SPPL2A: variants seen among roughly 807,000 people sequenced by gnomAD.
SPPL2A encodes the protein signal peptide peptidase-like 2A.
A neutral mutation model predicts 63.8 loss-of-function variants in SPPL2A; 51 were observed. The ratio of observed to expected loss-of-function variants is 0.80; its 90% CI spans 0.64 to 1.01. The LOEUF is 1.01. Among genes scored for constraint, SPPL2A ranks in the 50% least tolerant of loss-of-function variants. The pLI, the probability that SPPL2A is intolerant of heterozygous loss-of-function variation, is 0.00. For missense variants in SPPL2A, 553 were observed against 622.7 expected (o/e 0.89, Z 1.19); for synonymous variants, 188 against 205.8 (o/e 0.91, Z 0.74).
chr15:50,745,736 C>T (rs1567163149), intron 5 of SPPL2A, among the ~76,000 whole-genome samples: 1 of 151,940 alleles, frequency 6.6e-6, no homozygotes. Context: ...TGAGGTCTTG[C>T]TATGTTGCCA....
At chr15:50,726,254 G>A in intron 11 of SPPL2A, 67 bp downstream of exon 11, 1 of 1,547,370 alleles carries the variant, frequency 6.5e-7, no homozygotes, top group Non-Finnish European at 8.9e-7. Flanking sequence ...TACACAGGAA[G>A]GCAAATTATT....
At chr15:50,710,452 G>A (rs747797523) in intron 14 of SPPL2A, among the ~76,000 whole-genome samples, 1 of 151,948 alleles carries the variant, frequency 6.6e-6, no homozygotes, top group Non-Finnish European at 1.5e-5. Context: ...TTTCTTTACT[G>A]ACTTTCCAAT....
chr15:50,747,797 A>G (rs17702595), intron 4 of SPPL2A, among the ~76,000 whole-genome samples, 169 bp from the exon 5 acceptor site: 3,376 of 152,318 alleles, frequency 0.022, 53 homozygotes, highest in Middle Eastern at 0.1. Flanking sequence ...AAGTATGATG[A>G]TATGCTTTGG....
At chr15:50,724,420 CA>C (rs573458188) in intron 12 of SPPL2A, among the ~76,000 whole-genome samples, 103 of 151,646 alleles carry the variant, frequency 6.8e-4, no homozygotes, top group Non-Finnish European at 1.4e-3. Context: ...ACTAAAAATA[CA>C]AAAAAAATTA....
intron 8 of SPPL2A, among the ~76,000 whole-genome samples, chr15:50,732,927 T>TAA (rs2062742171): frequency 1.3e-5 from 2 of 152,096 alleles, no homozygotes; most frequent in Non-Finnish European, 2.9e-5. Flanking sequence ...TAGCTGGGAC[T>TAA]AAAGGCATGC....
chr15:50,731,731 C>G (rs571628553), intron 9 of SPPL2A, among the ~76,000 whole-genome samples: 2 of 150,994 alleles, frequency 1.3e-5, no homozygotes, highest in Non-Finnish European at 2.9e-5. Context: ...AGTTCAAAAC[C>G]AGCCTGGCCA....
chr15:50,734,428 CATGT>C (rs1339682285), intron 8 of SPPL2A, among the ~76,000 whole-genome samples: 2 of 151,986 alleles, frequency 1.3e-5, no homozygotes, highest in Non-Finnish European at 2.9e-5. Flanking sequence ...ACAAATATTG[CATGT>C]TCTCACTCAT....
Position 50,726,370 on chromosome 15 carries a change from T to C in SPPL2A, c.1097A>G (p.Glu366Gly), listed in dbSNP as rs200572724. 1 of 1,613,608 alleles carries C rather than the reference T, an allele frequency of 6.2e-7. No individual in the cohort carries two copies. Among genetic ancestry groups the C allele is most frequent in the Non-Finnish European group, 8.5e-7 (1 of 1,179,636 alleles). ...FITPFITKNG[E>G]SIMVELAAGP... ...AGCTGCGAGTTCAACCATGATACTC[T>C]CACCATTCTAAAATTGAGAAGGAAA... Residue 366 changes from glutamate (E) to glycine (G), a missense_variant, in exon 11 of 15, where the codon GAG (glutamate) becomes GGG (glycine). Coordinates refer to ENST00000261854, the MANE Select transcript of SPPL2A (RefSeq NM_032802.4).
chr15:50,741,840 C>A (rs1170486164), intron 5 of SPPL2A, among the ~76,000 whole-genome samples: 1 of 151,878 alleles, frequency 6.6e-6, no homozygotes, highest in Non-Finnish European at 1.5e-5. Flanking sequence ...GTGGCACGTG[C>A]CTGTAATCCC....
At chr15:50,726,478 T>C in intron 10 of SPPL2A, 101 bp from the exon 11 acceptor site, 1 of 1,056,480 alleles carries the variant, frequency 9.5e-7, no homozygotes, top group Non-Finnish European at 1.4e-6. Flanking sequence ...CCAGTTACAC[T>C]GATTGAAAAT....
At chr15:50,765,112 A>T (rs1388400343) in intron 1 of SPPL2A, among the ~76,000 whole-genome samples, 1 of 152,180 alleles carries the variant, frequency 6.6e-6, no homozygotes, top group Non-Finnish European at 1.5e-5. Flanking sequence ...TTAGACAATA[A>T]AACCCAGAGG....
chr15:50,743,981 C>T (rs980057338), intron 5 of SPPL2A, among the ~76,000 whole-genome samples: 1 of 151,756 alleles, frequency 6.6e-6, no homozygotes, highest in East Asian at 1.9e-4. Context: ...TCGAGACCAA[C>T]CTGGCCAACA....
At chr15:50,752,785 G>A (rs2062921389) in intron 1 of SPPL2A, among the ~76,000 whole-genome samples, 1 of 150,734 alleles carries the variant, frequency 6.6e-6, no homozygotes, top group Non-Finnish European at 1.5e-5. Context: ...TTTTGACACA[G>A]GTATCCTAGG....
Position 50,748,728 on chromosome 15 carries a change from C to G in SPPL2A, c.320G>C (p.Gly107Ala), listed in dbSNP as rs373747856. The change falls in exon 3 of 15, where the codon GGA becomes GCA. Residue 107 changes from glycine to alanine, a missense_variant. Transcript: ENST00000261854. Reference protein sequence around the residue: ...FLEKARIAQKGGAEAMLVVNN... With the variant: ...FLEKARIAQKAGAEAMLVVNN... ...GACAACTAACATTGCTTCAGCACCT[C>G]CTTTCTGTGCAATTCTGGCTTTTTC... 6.2e-7 allele frequency: 1 copy of G among 1,610,978 alleles called. No individual in the cohort carries two copies. The highest frequency in any genetic ancestry group is 1.7e-5 in the Admixed American group (1 of 59,194).
At chr15:50,757,307 C>T (rs2062967659) in intron 1 of SPPL2A, among the ~76,000 whole-genome samples, 1 of 152,082 alleles carries the variant, frequency 6.6e-6, no homozygotes, top group Non-Finnish European at 1.5e-5. Flanking sequence ...TGGTCTCGAT[C>T]TCCTGACCTC....
intron 11 of SPPL2A, 131 bp from the exon 12 acceptor site, chr15:50,725,454 C>G: frequency 1.7e-6 from 1 of 596,314 alleles, no homozygotes; most frequent in East Asian, 3.0e-5. Flanking sequence ...GAGTCTCGCT[C>G]TGTCGCCCAA....
intron 1 of SPPL2A, among the ~76,000 whole-genome samples, chr15:50,763,816 T>C (rs1426781858): frequency 6.6e-6 from 1 of 152,134 alleles, no homozygotes; most frequent in Non-Finnish European, 1.5e-5. Context: ...GAGAATTGCT[T>C]GAACCTGGGA....
chr15:50,728,768 G>A (rs1285507396), intron 10 of SPPL2A, among the ~76,000 whole-genome samples: 1 of 150,674 alleles, frequency 6.6e-6, no homozygotes, highest in Non-Finnish European at 1.5e-5. Context: ...TCAGTCTCCC[G>A]AGTAGCTGGG....
At position 50,703,645 on chromosome 15, in the gene SPPL2A, G is replaced by C. The variant is rs1482947408; in HGVS notation, c.*4155C>G. On this transcript the variant is annotated 3_prime_UTR_variant, in exon 15 of 15. Transcript: ENST00000261854. ...CAAAGTGCTGGGATTACAGGTGTGA[G>C]CCACCGCACCCGGCCTTAGTTCAAA... 6.6e-6 allele frequency: 1 copy of C among 151,732 alleles called. No homozygotes were observed. Among genetic ancestry groups the C allele is most frequent in the Non-Finnish European group, 1.5e-5 (1 of 67,966 alleles). The allele number at this position is 151,732 out of a possible 1,614,324, so 9.4% of individuals were successfully genotyped here.
Sources: gnomAD v4.1 joint callset for allele counts (sites outside exome capture counted in the v4.1 genomes callset) on GRCh38, gnomAD v4.1.1 for gene constraint, MANE v1.5 for transcripts, NCBI Gene and HGNC (gene_info 2026-07-23, HGNC 2026-07-21) for gene names.